MACROD2: variants seen among roughly 807,000 people sequenced by gnomAD.
The protein encoded by MACROD2 is mono-ADP ribosylhydrolase 2, also known as ADP-ribose glycohydrolase MACROD2.
A neutral mutation model predicts 70.4 loss-of-function variants in MACROD2; 36 were observed. The observed-to-expected ratio is 0.51, with a 90% CI of 0.39 to 0.68. MACROD2 has a LOEUF of 0.68. MACROD2 is among the 30% of genes least tolerant of loss of function. The pLI is 0.00. For missense variants in MACROD2, 496 were observed against 538.4 expected (o/e 0.92, Z 0.78); for synonymous variants, 172 against 178.8 (o/e 0.96, Z 0.30).
chr20:14,115,764 T>C (rs2054506199), intron 3 of MACROD2, among the ~76,000 whole-genome samples: 1 of 152,046 alleles, frequency 6.6e-6, no homozygotes, highest in Admixed American at 6.6e-5. Context: ...AAATGGCCAT[T>C]TATGGTAAAA....
At chr20:15,234,609 T>G (rs2076997623) in intron 6 of MACROD2, among the ~76,000 whole-genome samples, 2 of 152,166 alleles carry the variant, frequency 1.3e-5, no homozygotes, top group South Asian at 4.1e-4. Context: ...AAATCAAGCA[T>G]CTAAATTATG....
At chr20:16,048,631 G>A (rs910211949) in intron 17 of MACROD2, among the ~76,000 whole-genome samples, 3 of 152,106 alleles carry the variant, frequency 2.0e-5, no homozygotes, top group Non-Finnish European at 2.9e-5. Context: ...ATCCCACCAC[G>A]ATCCCACTAG....
At chr20:14,104,419 G>A (rs928878994) in intron 3 of MACROD2, among the ~76,000 whole-genome samples, 1 of 152,170 alleles carries the variant, frequency 6.6e-6, no homozygotes, top group South Asian at 2.1e-4. Flanking sequence ...CAATGTCACT[G>A]CTTCTCCTCC....
At chr20:14,735,533 A>T (rs1568766642) in intron 5 of MACROD2, among the ~76,000 whole-genome samples, 1 of 152,128 alleles carries the variant, frequency 6.6e-6, no homozygotes, top group East Asian at 1.9e-4. Flanking sequence ...GACCCTGCAT[A>T]CTTTGCTGGT....
intron 4 of MACROD2, among the ~76,000 whole-genome samples, chr20:14,618,877 C>T (rs1983636315): frequency 6.6e-6 from 1 of 152,140 alleles, no homozygotes; most frequent in Non-Finnish European, 1.5e-5. Context: ...TTTATTGGCT[C>T]AGCTGCTCAT....
At chr20:15,460,422 G>A (rs951650968) in intron 7 of MACROD2, among the ~76,000 whole-genome samples, 6 of 152,090 alleles carry the variant, frequency 3.9e-5, no homozygotes, top group Admixed American at 2.0e-4. Flanking sequence ...CAGGCAGCAC[G>A]GTTTCCACAG....
intron 3 of MACROD2, among the ~76,000 whole-genome samples, chr20:14,290,450 A>G (rs114806320): frequency 0.015 from 2,285 of 151,996 alleles, 24 homozygotes; most frequent in African/African-American, 0.027. Context: ...CACCCAGGCC[A>G]CAGCCAACCT....
chr20:15,702,987 C>T (rs1390016217), intron 8 of MACROD2, among the ~76,000 whole-genome samples: 2 of 152,148 alleles, frequency 1.3e-5, no homozygotes, highest in Admixed American at 1.3e-4. Flanking sequence ...TAAAGCCACA[C>T]ACCTGCAATT....
chr20:15,470,754 A>G (rs958057022), intron 7 of MACROD2, among the ~76,000 whole-genome samples: 2 of 152,106 alleles, frequency 1.3e-5, no homozygotes, highest in Admixed American at 6.5e-5. Context: ...TTACATCCTG[A>G]TGTAGCAGTT....
chr20:14,808,296 A>T (rs2072665073), intron 5 of MACROD2, among the ~76,000 whole-genome samples: 1 of 152,146 alleles, frequency 6.6e-6, no homozygotes, highest in Non-Finnish European at 1.5e-5. Context: ...TTTTAAAGAA[A>T]ATAATTTTCA....
chr20:15,360,255 A>G (rs146190949), intron 6 of MACROD2, among the ~76,000 whole-genome samples: 266 of 152,210 alleles, frequency 1.7e-3, no homozygotes, highest in Admixed American at 4.6e-3. Flanking sequence ...CCAGTCACCT[A>G]TTGAAGGACA....
chr20:15,131,245 AATCTGTAGAAACAAGGAC>A (rs1278755136), intron 5 of MACROD2, among the ~76,000 whole-genome samples: 33 of 152,244 alleles, frequency 2.2e-4, no homozygotes, highest in Non-Finnish European at 1.5e-4. Context: ...TGAAGAACTA[AATCTGTAGAAACAAGGAC>A]ACATTATGTT....
intron 5 of MACROD2, among the ~76,000 whole-genome samples, chr20:14,840,033 C>CTTTTTTTTTTTTTTTTTTTTTT (rs71190154): frequency 2.1e-5 from 3 of 142,494 alleles, no homozygotes; most frequent in Non-Finnish European, 3.0e-5. Flanking sequence ...GTCTCCATGT[C>CTTTTTTTTTTTTTTTTTTTTTT]TTTTTTTTTT....
chr20:15,702,420 A>T (rs2050473208), intron 8 of MACROD2, among the ~76,000 whole-genome samples: 1 of 152,180 alleles, frequency 6.6e-6, no homozygotes, highest in Admixed American at 6.5e-5. Context: ...ACGTTTAGTG[A>T]TGATGAGTAT....
intron 5 of MACROD2, among the ~76,000 whole-genome samples, chr20:14,773,900 C>T (rs906524725): frequency 1.3e-5 from 2 of 152,068 alleles, no homozygotes; most frequent in Non-Finnish European, 2.9e-5. Context: ...TGGTGTCAAA[C>T]ATCTTAATGT....
At chr20:15,885,743 T>C (rs201150054) in intron 9 of MACROD2, 21 bp from the exon 10 acceptor site, 2 of 1,471,498 alleles carry the variant, frequency 1.4e-6, no homozygotes, top group South Asian at 1.3e-5. Context: ...TATTTCTTTA[T>C]GTTTTCCTAT....
At chr20:14,888,203 G>A (rs2073705610) in intron 5 of MACROD2, 1 of 152,258 alleles carries the variant, frequency 6.6e-6, no homozygotes, top group East Asian at 1.9e-4. Context: ...TGTCAGCTGC[G>A]TTTTCTCATG....
intron 4 of MACROD2, among the ~76,000 whole-genome samples, chr20:14,644,189 G>A (rs943167600): frequency 2.0e-5 from 3 of 152,042 alleles, no homozygotes; most frequent in South Asian, 2.1e-4. Context: ...TATTCTTTGC[G>A]TCTAGAAAGT....
intron 3 of MACROD2, among the ~76,000 whole-genome samples, chr20:14,406,449 A>G (rs1269758101): frequency 4.6e-5 from 7 of 152,128 alleles, no homozygotes; most frequent in Admixed American, 2.0e-4. Context: ...ACAAAGAATG[A>G]TGTGTGAAAG....
Sources: gnomAD v4.1 joint callset for allele counts (sites outside exome capture counted in the v4.1 genomes callset) on GRCh38, gnomAD v4.1.1 for gene constraint, MANE v1.5 for transcripts, NCBI Gene and HGNC (gene_info 2026-07-23, HGNC 2026-07-21) for gene names.